The following EPM2A variants were observed in gnomAD, a reference collection of about 807,000 sequenced individuals.
EPM2A encodes the protein EPM2A glucan phosphatase, laforin, also known as laforin.
In EPM2A, 21 loss-of-function variants were observed where a neutral mutation model predicts 26.5. The observed-to-expected ratio is 0.79, with a 90% CI of 0.56 to 1.14. EPM2A has a LOEUF of 1.14. Ranked by LOEUF, EPM2A falls within the 50% of genes most tolerant of loss-of-function variation. The pLI is 0.00. For synonymous variants in EPM2A, 217 were observed against 177.6 expected, an observed-to-expected ratio of 1.22 and a Z score of -1.76; for missense variants, 458 against 440.8, an observed-to-expected ratio of 1.04 and a Z score of -0.35.
chr6:145,468,087 G>C (rs1291046374), intron 4 of EPM2A, among the ~76,000 whole-genome samples: 1 of 151,750 alleles, frequency 6.6e-6, no homozygotes, highest in African/African-American at 2.4e-5. Flanking sequence ...TGTCTGTCCT[G>C]TTTATATTTG....
At chr6:145,582,651 T>C (rs1304003781) in intron 2 of EPM2A, among the ~76,000 whole-genome samples, 1 of 152,228 alleles carries the variant, frequency 6.6e-6, no homozygotes, top group South Asian at 2.1e-4. Flanking sequence ...TTGTCTTGTA[T>C]AGTATCTCTC....
At chr6:145,399,295 A>G (rs1213681325) in intron 4 of EPM2A, among the ~76,000 whole-genome samples, 1 of 152,228 alleles carries the variant, frequency 6.6e-6, no homozygotes, top group Non-Finnish European at 1.5e-5. Flanking sequence ...TATATGTGAC[A>G]TAAGAGCTGA....
At chr6:145,418,880 A>G (rs747087999) in intron 4 of EPM2A, among the ~76,000 whole-genome samples, 1 of 152,188 alleles carries the variant, frequency 6.6e-6, no homozygotes, top group African/African-American at 2.4e-5. Context: ...GAAGTATGCT[A>G]TGTAGTTAAA....
intron 1 of EPM2A, among the ~76,000 whole-genome samples, chr6:145,723,473 A>G (rs1034910637): frequency 6.6e-5 from 10 of 152,180 alleles, no homozygotes; most frequent in African/African-American, 9.6e-5. Context: ...AGAATTAGAA[A>G]TAAGTTAAAT....
Position 145,626,618 on chromosome 6 carries a change from C to A in EPM2A, c.*798G>T. ...AAAACAAGTTGTGATGAAAACAGTG[C>A]TGAGTCAAATAAATATAGATTATTA... is the stretch of plus-strand genomic sequence containing the variant. On this transcript the variant is annotated 3_prime_UTR_variant, in exon 4 of 4. Coordinates refer to ENST00000367519, the MANE Select transcript of EPM2A (RefSeq NM_005670.4). 1 of 983,202 alleles carries A rather than the reference C, an allele frequency of 1.0e-6. No homozygotes were observed. The highest frequency in any genetic ancestry group is 1.2e-6 in the Non-Finnish European group (1 of 827,696). 60.9% of individuals were successfully genotyped at this position (983,202 alleles called of 1,614,324 possible).
intron 2 of EPM2A, among the ~76,000 whole-genome samples, chr6:145,676,429 G>C (rs948913353): frequency 6.6e-6 from 1 of 152,058 alleles, no homozygotes; most frequent in Non-Finnish European, 1.5e-5. Context: ...TAAGATCAGA[G>C]CAGAACTGAA....
intron 2 of EPM2A, among the ~76,000 whole-genome samples, chr6:145,615,478 T>C (rs528705363): frequency 1.3e-5 from 2 of 151,900 alleles, no homozygotes; most frequent in African/African-American, 2.4e-5. Flanking sequence ...ATACAGTAAA[T>C]TGGGGTACCA....
At chr6:145,467,503 C>G (rs1386464241) in intron 4 of EPM2A, among the ~76,000 whole-genome samples, 1 of 152,122 alleles carries the variant, frequency 6.6e-6, no homozygotes, top group Non-Finnish European at 1.5e-5. Flanking sequence ...TGCTATACAG[C>G]TTTACACTAT....
At chr6:145,413,198 G>A (rs1028285644) in intron 4 of EPM2A, among the ~76,000 whole-genome samples, 6 of 152,176 alleles carry the variant, frequency 3.9e-5, no homozygotes, top group African/African-American at 1.4e-4. Flanking sequence ...TAAATACAGA[G>A]AATGTCTACA....
intron 1 of EPM2A, among the ~76,000 whole-genome samples, chr6:145,727,516 A>C (rs1336740887): frequency 6.6e-6 from 1 of 152,130 alleles, no homozygotes. Flanking sequence ...ATAAAAAAAA[A>C]AAACCTCCGT....
At chr6:145,619,617 A>G (rs926683336) in intron 2 of EPM2A, among the ~76,000 whole-genome samples, 1 of 152,218 alleles carries the variant, frequency 6.6e-6, no homozygotes, top group Non-Finnish European at 1.5e-5. Context: ...AGGATAGTTA[A>G]GAAAGCTAGA....
intron 2 of EPM2A, among the ~76,000 whole-genome samples, chr6:145,645,832 G>A (rs774534199): frequency 6.6e-6 from 1 of 152,010 alleles, no homozygotes; most frequent in Non-Finnish European, 1.5e-5. Context: ...GAGCTCAAGC[G>A]ATCCACCCGC....
chr6:145,529,054 T>C (rs1437172273), intron 2 of EPM2A, among the ~76,000 whole-genome samples: 4 of 152,162 alleles, frequency 2.6e-5, no homozygotes, highest in African/African-American at 7.2e-5. Flanking sequence ...AGCCTAAAGA[T>C]GTGACTGAAT....
At chr6:145,565,406 G>A (rs1316938955) in intron 2 of EPM2A, among the ~76,000 whole-genome samples, 1 of 152,162 alleles carries the variant, frequency 6.6e-6, no homozygotes, top group Admixed American at 6.6e-5. Context: ...GCAGCTCTTT[G>A]TGAAGCAGTG....
intron 2 of EPM2A, among the ~76,000 whole-genome samples, chr6:145,546,275 G>C (rs1415072962): frequency 1.3e-5 from 2 of 152,112 alleles, no homozygotes; most frequent in African/African-American, 4.8e-5. Flanking sequence ...TGGAGAATCT[G>C]GATCTCTGAT....
chr6:145,407,559 T>C (rs1308908886), intron 4 of EPM2A, among the ~76,000 whole-genome samples: 6 of 152,216 alleles, frequency 3.9e-5, no homozygotes, highest in Admixed American at 3.3e-4. Context: ...TTTCCTATAA[T>C]TGTGAGGAGT....
At chr6:145,656,919 T>G (rs1480153752) in intron 2 of EPM2A, among the ~76,000 whole-genome samples, 1 of 152,218 alleles carries the variant, frequency 6.6e-6, no homozygotes, top group Non-Finnish European at 1.5e-5. Context: ...ATATTCTCTT[T>G]GCTTTTATGT....
intron 4 of EPM2A, among the ~76,000 whole-genome samples, chr6:145,413,508 A>T (rs1006471850): frequency 6.6e-6 from 1 of 152,094 alleles, no homozygotes; most frequent in Non-Finnish European, 1.5e-5. Flanking sequence ...GACTTCAAAG[A>T]TGTGGTCCAT....
chr6:145,718,926 C>T (rs959262396), intron 1 of EPM2A, among the ~76,000 whole-genome samples: 7 of 152,250 alleles, frequency 4.6e-5, no homozygotes, highest in East Asian at 1.9e-4. Context: ...CAATGAGATA[C>T]CATCTCACAC....
Sources: gnomAD v4.1 joint callset for allele counts (sites outside exome capture counted in the v4.1 genomes callset) on GRCh38, gnomAD v4.1.1 for gene constraint, MANE v1.5 for transcripts, NCBI Gene and HGNC (gene_info 2026-07-23, HGNC 2026-07-21) for gene names.